The following ASIC2 variants were observed in gnomAD, a reference collection of about 807,000 sequenced individuals.
ASIC2 encodes acid-sensing ion channel 2.
ASIC2 carries 25 observed loss-of-function variants against 57.3 expected under a neutral mutation model. The ratio of observed to expected loss-of-function variants is 0.44; its 90% CI spans 0.32 to 0.61. The LOEUF is 0.61. ASIC2 is among the 20% of genes least tolerant of loss of function. The pLI, the probability that ASIC2 is intolerant of heterozygous loss-of-function variation, is 0.06. For synonymous variants in ASIC2, 319 were observed against 307.5 expected, an observed-to-expected ratio of 1.04 and a Z score of -0.39; for missense variants, 641 against 738.1, an observed-to-expected ratio of 0.87 and a Z score of 1.52.
At chr17:33,590,901 A>G (rs1055333596) in intron 1 of ASIC2, among the ~76,000 whole-genome samples, 1 of 152,154 alleles carries the variant, frequency 6.6e-6, no homozygotes, top group Non-Finnish European at 1.5e-5. Flanking sequence ...CTTGATTTCA[A>G]ACATCTAAAC....
chr17:34,094,345 T>A (rs1910442682), intron 1 of ASIC2, among the ~76,000 whole-genome samples: 1 of 152,194 alleles, frequency 6.6e-6, no homozygotes, highest in Non-Finnish European at 1.5e-5. Context: ...ATGCCTCATA[T>A]GGCAATTTCT....
intron 1 of ASIC2, among the ~76,000 whole-genome samples, chr17:34,086,458 A>T (rs1164743436): frequency 6.6e-6 from 1 of 152,082 alleles, no homozygotes; most frequent in Non-Finnish European, 1.5e-5. Flanking sequence ...TTTACTTCCA[A>T]CTATGTGGTC....
intron 1 of ASIC2, among the ~76,000 whole-genome samples, chr17:33,483,919 G>A (rs1913494477): frequency 6.6e-6 from 1 of 152,120 alleles, no homozygotes. Flanking sequence ...TGGGCCCAGT[G>A]GTATCACAGG....
At chr17:33,129,289 G>T (rs921881629) in intron 1 of ASIC2, among the ~76,000 whole-genome samples, 1 of 152,158 alleles carries the variant, frequency 6.6e-6, no homozygotes, top group Non-Finnish European at 1.5e-5. Context: ...AGGAAATCAG[G>T]TCTCCTTCTA....
chr17:34,002,648 C>T (rs1315216731), intron 1 of ASIC2: 1 of 152,226 alleles, frequency 6.6e-6, no homozygotes, highest in Admixed American at 6.5e-5. Context: ...TTTGTTTCCT[C>T]AGTCCAAGGG....
intron 1 of ASIC2, among the ~76,000 whole-genome samples, chr17:33,225,658 A>G (rs985568106): frequency 3.3e-5 from 5 of 152,190 alleles, no homozygotes. Flanking sequence ...CAGAAAGTGA[A>G]AAGGGTCACC....
chr17:33,321,629 A>T lies in ASIC2; in HGVS notation c.556-209562T>A, dbSNP rs546508308. Reference sequence around the variant, plus strand: ...ATTATTTTGCTTCTTCCTAGAGGGAACCATTTTGCTTCTTGCTGGAGGTAA... The same window carrying T: ...ATTATTTTGCTTCTTCCTAGAGGGATCCATTTTGCTTCTTGCTGGAGGTAA... On this transcript the variant is annotated intron_variant, in intron 1 of 9. Coordinates refer to the ASIC2 transcript ENST00000359872. 6.2e-4 allele frequency among the ~76,000 whole-genome samples: 95 copies of T among 152,284 alleles called. 2 individuals are homozygous for T. In the South Asian group the frequency reaches 0.019, roughly 30 times the overall value.
intron 1 of ASIC2, among the ~76,000 whole-genome samples, chr17:33,513,371 T>G (rs541507056): frequency 6.6e-6 from 1 of 152,366 alleles, no homozygotes; most frequent in South Asian, 2.1e-4. Context: ...GAACACAGCT[T>G]TAGCTGTGTC....
chr17:33,236,908 G>T (rs148558606), intron 1 of ASIC2, among the ~76,000 whole-genome samples: 1 of 152,086 alleles, frequency 6.6e-6, no homozygotes, highest in African/African-American at 2.4e-5. Flanking sequence ...CCAACACCTC[G>T]ATTTTGGACT....
chr17:33,991,901 CT>C (rs1163605417), intron 1 of ASIC2, among the ~76,000 whole-genome samples: 1 of 152,102 alleles, frequency 6.6e-6, no homozygotes, highest in African/African-American at 2.4e-5. Flanking sequence ...TGCCCATAAC[CT>C]TTTGTTCAAA....
At chr17:33,297,079 T>A (rs917532117), upstream of ASIC2, among the ~76,000 whole-genome samples, 3 of 152,250 alleles carry the variant, frequency 2.0e-5, no homozygotes, top group African/African-American at 7.2e-5. Context: ...AACTTTGGTA[T>A]TTCTTTCACA....
In ASIC2 at chr17:33,338,135, T is replaced by G. The variant is rs550368523; in HGVS notation, c.556-226068A>C. On this transcript the variant is annotated intron_variant, in intron 1 of 9. Transcript: ENST00000359872. ...GTGCTCTGGAATGGCAAGGAGGCTG[T>G]AAATGTTCCTTCTGAGATGTTCTGT... Among the ~76,000 whole-genome samples the G allele has an allele frequency of 3.4e-5, 5 of 147,312 alleles. No individual in the cohort carries two copies. In the South Asian group the frequency reaches 1.1e-3, roughly 32 times the overall value.
chr17:33,780,770 C>T (rs1040666721), intron 1 of ASIC2, among the ~76,000 whole-genome samples: 9 of 152,096 alleles, frequency 5.9e-5, no homozygotes, highest in Admixed American at 2.0e-4. Flanking sequence ...GCAGGGAAGG[C>T]GGGAGGGCCC....
intron 1 of ASIC2, among the ~76,000 whole-genome samples, chr17:33,494,256 C>G (rs1189703340): frequency 6.6e-6 from 1 of 152,196 alleles, no homozygotes; most frequent in Non-Finnish European, 1.5e-5. Context: ...TTGGCCCTGT[C>G]TTTTCTCATG....
At chr17:34,050,612 T>A (rs191881328) in intron 1 of ASIC2, among the ~76,000 whole-genome samples, 189 of 152,294 alleles carry the variant, frequency 1.2e-3, no homozygotes, top group Admixed American at 3.1e-3. Flanking sequence ...TTCCATCTCA[T>A]TAAATACAAA....
At chr17:33,302,212 A>G (rs1261415629) in intron 1 of ASIC2, among the ~76,000 whole-genome samples, 2 of 152,160 alleles carry the variant, frequency 1.3e-5, no homozygotes, top group East Asian at 3.8e-4. Flanking sequence ...ACACTTTTCT[A>G]CCCAATTTGC....
intron 1 of ASIC2, among the ~76,000 whole-genome samples, chr17:33,257,774 C>A (rs1338403586): frequency 6.6e-6 from 1 of 152,214 alleles, no homozygotes; most frequent in Non-Finnish European, 1.5e-5. Flanking sequence ...CCACATCTTC[C>A]TTCACAGCAC....
intron 3 of ASIC2, among the ~76,000 whole-genome samples, chr17:33,082,324 A>G (rs527591715): frequency 1.3e-5 from 2 of 152,152 alleles, no homozygotes; most frequent in South Asian, 4.1e-4. Flanking sequence ...GAATACATGG[A>G]TCAACACTTA....
intron 1 of ASIC2, among the ~76,000 whole-genome samples, chr17:33,186,147 G>T (rs553259344): frequency 8.4e-4 from 127 of 151,902 alleles, no homozygotes; most frequent in African/African-American, 2.9e-3. Flanking sequence ...GTCTCGCTTT[G>T]TTTCCCAGGC....
Sources: gnomAD v4.1 joint callset for allele counts (sites outside exome capture counted in the v4.1 genomes callset) on GRCh38, gnomAD v4.1.1 for gene constraint, MANE v1.5 for transcripts, NCBI Gene and HGNC (gene_info 2026-07-23, HGNC 2026-07-21) for gene names.